Variants in ABTB3 observed in about 807,000 individuals in gnomAD.
ABTB3 encodes the protein ankyrin repeat and BTB domain containing 3.
At chr12:107,448,796 C>G in the ABTB3 span, among the ~76,000 whole-genome samples, 1 of 152,106 alleles carries the variant, frequency 6.6e-6, no homozygotes, top group Admixed American at 6.5e-5. Flanking sequence ...ACCCACCACA[C>G]CTGGCCTCAG....
the ABTB3 span, among the ~76,000 whole-genome samples, chr12:107,392,105 T>C: frequency 1.3e-5 from 2 of 152,218 alleles, no homozygotes; most frequent in Admixed American, 6.5e-5. Flanking sequence ...GAATGGTTGC[T>C]GTCCAGCCCT....
chr12:107,624,659 C>T, the ABTB3 span, among the ~76,000 whole-genome samples: 3 of 152,116 alleles, frequency 2.0e-5, no homozygotes, highest in African/African-American at 4.8e-5. Flanking sequence ...TGCATGTATC[C>T]GCAGCTTGTT....
At chr12:107,341,573 A>G in the ABTB3 span, among the ~76,000 whole-genome samples, 1 of 152,160 alleles carries the variant, frequency 6.6e-6, no homozygotes, top group African/African-American at 2.4e-5. Flanking sequence ...CTTTCTGGGA[A>G]CCTCAATATG....
the ABTB3 span, among the ~76,000 whole-genome samples, chr12:107,411,540 T>C: frequency 6.6e-6 from 1 of 152,194 alleles, no homozygotes; most frequent in Non-Finnish European, 1.5e-5. Flanking sequence ...TAAATATTAG[T>C]GTCCCCCTCT....
the ABTB3 span, among the ~76,000 whole-genome samples, chr12:107,527,583 T>G: frequency 2.6e-5 from 3 of 115,048 alleles, no homozygotes; most frequent in Admixed American, 1.7e-4. Flanking sequence ...AGAGTTTTTG[T>G]TTTTTTTTTT....
chr12:107,450,504 G>A, the ABTB3 span, among the ~76,000 whole-genome samples: 1 of 152,124 alleles, frequency 6.6e-6, no homozygotes, highest in Admixed American at 6.6e-5. Flanking sequence ...ATGGGAGGAG[G>A]GAGAAGAGAA....
the ABTB3 span, among the ~76,000 whole-genome samples, chr12:107,445,768 C>G: frequency 7.9e-5 from 12 of 152,034 alleles, no homozygotes; most frequent in African/African-American, 2.9e-4. Context: ...GAGAATCCAC[C>G]TCCTTGTCTT....
At chr12:107,361,113 A>G in the ABTB3 span, among the ~76,000 whole-genome samples, 1 of 151,962 alleles carries the variant, frequency 6.6e-6, no homozygotes, top group Non-Finnish European at 1.5e-5. Context: ...TGAGAAATAA[A>G]AAATACCTTC....
At chr12:107,469,866 T>TTTCTTTTC in the ABTB3 span, among the ~76,000 whole-genome samples, 1 of 75,502 alleles carries the variant, frequency 1.3e-5, no homozygotes, top group African/African-American at 4.8e-5. Context: ...TCTTTCTTTC[T>TTTCTTTTC]TTTCTTTCTT....
chr12:107,538,936 T>C, the ABTB3 span, among the ~76,000 whole-genome samples: 1 of 152,054 alleles, frequency 6.6e-6, no homozygotes, highest in Non-Finnish European at 1.5e-5. Flanking sequence ...CAAAACTGGG[T>C]TCTAGATTTG....
At chr12:107,401,884 T>C in the ABTB3 span, among the ~76,000 whole-genome samples, 1 of 151,766 alleles carries the variant, frequency 6.6e-6, no homozygotes, top group Non-Finnish European at 1.5e-5. Context: ...CAGCTTCTTC[T>C]CTTTATATAG....
chr12:107,405,260 A>C, the ABTB3 span, among the ~76,000 whole-genome samples: 1 of 152,300 alleles, frequency 6.6e-6, no homozygotes, highest in Admixed American at 6.5e-5. Flanking sequence ...AAACTGCACA[A>C]CCAAAACGGT....
At chr12:107,420,303 G>C in the ABTB3 span, among the ~76,000 whole-genome samples, 1,966 of 152,236 alleles carry the variant, frequency 0.013, 54 homozygotes, top group African/African-American at 0.043. Flanking sequence ...CTGCTATGAA[G>C]AAATACCTGA....
chr12:107,451,744 G>A, the ABTB3 span, among the ~76,000 whole-genome samples: 2 of 151,040 alleles, frequency 1.3e-5, no homozygotes, highest in African/African-American at 4.9e-5. Context: ...GTTTTACATA[G>A]TCTCTCTGCT....
At chr12:107,415,630 C>A in the ABTB3 span, among the ~76,000 whole-genome samples, 1 of 151,650 alleles carries the variant, frequency 6.6e-6, no homozygotes, top group Non-Finnish European at 1.5e-5. Context: ...ATGGCGTGAA[C>A]CCAGGAGGCA....
At chr12:107,514,350 C>G in the ABTB3 span, among the ~76,000 whole-genome samples, 1 of 151,904 alleles carries the variant, frequency 6.6e-6, no homozygotes, top group Non-Finnish European at 1.5e-5. Context: ...ATGAACTCCC[C>G]CCTTAGACAA....
At chr12:107,608,879 A>AAAATAAAATAAAAT in the ABTB3 span, among the ~76,000 whole-genome samples, 1 of 73,176 alleles carries the variant, frequency 1.4e-5, no homozygotes, top group Admixed American at 1.6e-4. Context: ...TCAAAAATTT[A>AAAATAAAATAAAAT]AAATAAAATA....
chr12:107,328,742 A>T, the ABTB3 span, among the ~76,000 whole-genome samples: 1 of 152,192 alleles, frequency 6.6e-6, no homozygotes. Context: ...TTGAGTTGGG[A>T]CTTGGGCTCA....
At chr12:107,346,980 A>G in the ABTB3 span, among the ~76,000 whole-genome samples, 6 of 152,228 alleles carry the variant, frequency 3.9e-5, no homozygotes, top group African/African-American at 1.4e-4. Context: ...AGTGACTGTT[A>G]TAACCAACAG....
Sources: gnomAD v4.1 joint callset for allele counts (sites outside exome capture counted in the v4.1 genomes callset) on GRCh38, gnomAD v4.1.1 for gene constraint, MANE v1.5 for transcripts, NCBI Gene and HGNC (gene_info 2026-07-23, HGNC 2026-07-21) for gene names.